Variants in TRIO observed in about 807,000 individuals in gnomAD.
TRIO encodes the protein triple functional domain protein.
A neutral mutation model predicts 351.9 loss-of-function variants in TRIO; 58 were observed. That is an observed-to-expected ratio of 0.16 (90% CI 0.13 to 0.21). The LOEUF (loss-of-function observed/expected upper bound fraction) is 0.21. TRIO is among the 10% of genes least tolerant of loss of function. The pLI is 1.00. For missense variants in TRIO, 3,201 were observed against 4,027.8 expected (o/e 0.79, Z 5.56); for synonymous variants, 1,758 against 1,595.7 (o/e 1.10, Z -2.42).
chr5:14,474,207 C>A (rs965738533), intron 40 of TRIO, 110 bp downstream of exon 40: 10 of 1,025,542 alleles, frequency 9.8e-6, no homozygotes. Context: ...ACCTGTGTAG[C>A]CTCCTGGAGG....
At chr5:14,403,455 T>C (rs1748350708) in intron 31 of TRIO, among the ~76,000 whole-genome samples, 1 of 106,720 alleles carries the variant, frequency 9.4e-6, no homozygotes. Context: ...GTGTAGGTTG[T>C]GGTGAGGGTG....
chr5:14,331,153 T>C (rs113422525), intron 10 of TRIO, among the ~76,000 whole-genome samples: 52 of 152,396 alleles, frequency 3.4e-4, no homozygotes, highest in African/African-American at 1.2e-3. Context: ...TTGTTTATTA[T>C]ACCAGTGCCT....
intron 1 of TRIO, among the ~76,000 whole-genome samples, chr5:14,186,921 C>T (rs1407734721): frequency 2.0e-5 from 3 of 152,150 alleles, no homozygotes; most frequent in Admixed American, 2.0e-4. Flanking sequence ...CACAATGCCA[C>T]ATGATTTTGT....
intron 34 of TRIO, among the ~76,000 whole-genome samples, chr5:14,429,787 G>C (rs1298559696): frequency 6.6e-6 from 1 of 152,186 alleles, no homozygotes; most frequent in African/African-American, 2.4e-5. Context: ...TTCACCTCTA[G>C]CTTGTGCTTC....
intron 36 of TRIO, among the ~76,000 whole-genome samples, chr5:14,465,121 G>A (rs1754151698): frequency 6.6e-6 from 1 of 151,312 alleles, no homozygotes; most frequent in South Asian, 2.1e-4. Flanking sequence ...TACCTGTTTT[G>A]TTTCCTGATT....
In TRIO at chr5:14,335,022, CGT is replaced by C. The variant is rs144645388; in HGVS notation, c.1855-1495_1855-1494del. Reference sequence around the variant, plus strand: ...TGAAAGCTGCTTTTTAGATCTGTCTCGTGTGTGTGTGTGTGTGTGTACACATG... The same window carrying C: ...TGAAAGCTGCTTTTTAGATCTGTCTCGTGTGTGTGTGTGTGTGTACACATG... On this transcript the variant is annotated intron_variant, in intron 10 of 56. Transcript: ENST00000344204. 3.1e-3 allele frequency among the ~76,000 whole-genome samples: 472 copies of C among 150,038 alleles called. 3 individuals are homozygous for C. The highest frequency in any genetic ancestry group is 0.012 in the South Asian group (56 of 4,742).
intron 30 of TRIO, among the ~76,000 whole-genome samples, chr5:14,400,188 A>G (rs1389449476): frequency 6.6e-6 from 1 of 152,216 alleles, no homozygotes; most frequent in Non-Finnish European, 1.5e-5. Context: ...AAAGAAAAAA[A>G]TGCAACATTG....
At chr5:14,502,548 C>T (rs1246440387) in intron 53 of TRIO, 31 bp from the exon 54 acceptor site, 1 of 1,612,514 alleles carries the variant, frequency 6.2e-7, no homozygotes, top group African/African-American at 1.3e-5. Flanking sequence ...CCACGGGAAA[C>T]AAGCTCAGGC....
At chr5:14,209,273 C>T (rs1176776822) in intron 1 of TRIO, among the ~76,000 whole-genome samples, 1 of 152,132 alleles carries the variant, frequency 6.6e-6, no homozygotes, top group Non-Finnish European at 1.5e-5. Flanking sequence ...TTGTAAAGAC[C>T]ATATTGTGAA....
chr5:14,304,667 A>G lies in TRIO; in HGVS notation c.1500+75A>G, dbSNP rs541624073. On this transcript the variant is annotated intron_variant, in intron 8 of 56. Coordinates refer to ENST00000344204, the MANE Select transcript of TRIO (RefSeq NM_007118.4). ...ATAGTACACCGGAAGCTAGAAAAAA[A>G]AAAGTTTTGGGTAGCCCAGAAAAAG... 9.2e-6 allele frequency: 14 copies of G among 1,528,050 alleles called. No homozygotes were observed. In the Admixed American group the frequency reaches 2.9e-4, roughly 32 times the overall value. The allele number at this position is 1,528,050 out of a possible 1,614,324, so 94.7% of individuals were successfully genotyped here.
intron 34 of TRIO, among the ~76,000 whole-genome samples, chr5:14,436,680 A>T (rs1751614924): frequency 6.6e-6 from 1 of 152,238 alleles, no homozygotes; most frequent in Non-Finnish European, 1.5e-5. Flanking sequence ...CAAATGGAAG[A>T]AATTGGCCAA....
rs779375215 is a variant in TRIO, at chr5:14,485,552, C to T, written c.6835+306C>T. Among the ~76,000 whole-genome samples, 8 of 152,158 alleles carry T rather than the reference C, an allele frequency of 5.3e-5. 1 individual carries two copies. Among genetic ancestry groups the T allele is most frequent in the Non-Finnish European group, 1.2e-4 (8 of 68,016 alleles). On this transcript the variant is annotated intron_variant, in intron 47 of 56. Coordinates refer to ENST00000344204, the MANE Select transcript of TRIO (RefSeq NM_007118.4). The stretch of plus-strand genomic sequence containing the variant: ...GGCCATCTGGCTCTTGGTCTGTGCC[C>T]CTCGCAGCTACACTGTCCCACACAT...
In TRIO at chr5:14,482,787, C is replaced by A; in HGVS notation, c.6657+14C>A. 1 of 1,536,806 alleles carries A rather than the reference C, an allele frequency of 6.5e-7. No homozygotes were observed. Among genetic ancestry groups the A allele is most frequent in the Non-Finnish European group, 8.8e-7 (1 of 1,133,252 alleles). ...AACAGTATCAAGGTAACGTGTGTCTCTGTGTGATTTCTCTGTGCCAGCGCA... is the reference window on the plus strand; with the variant it reads ...AACAGTATCAAGGTAACGTGTGTCTATGTGTGATTTCTCTGTGCCAGCGCA... On this transcript the variant is annotated intron_variant, in intron 46 of 56. Transcript: ENST00000344204.
At position 14,144,539 on chromosome 5, in the gene TRIO, T is replaced by G. The variant is rs374332352; in HGVS notation, c.157+657T>G. Reference sequence around the variant, plus strand: ...AGGACCGGGAGGCGCGGTGAGCCATTGTCTCCGGGGACGACCCGGGAGGGT... The same window carrying G: ...AGGACCGGGAGGCGCGGTGAGCCATGGTCTCCGGGGACGACCCGGGAGGGT... On this transcript the variant is annotated intron_variant, in intron 1 of 56. Transcript: ENST00000344204. 2.2e-4 allele frequency among the ~76,000 whole-genome samples: 34 copies of G among 152,110 alleles called. No homozygotes were observed. The East Asian group carries it at 2.3e-3, about 10-fold the overall frequency.
chr5:14,182,866 C>A (rs28452733), intron 1 of TRIO, among the ~76,000 whole-genome samples: 1 of 53,250 alleles, frequency 1.9e-5, no homozygotes. Context: ...GTGGAGACCC[C>A]CCCCCCTCCA....
chr5:14,486,546 T>C (rs1307143798), intron 47 of TRIO, among the ~76,000 whole-genome samples: 1 of 152,206 alleles, frequency 6.6e-6, no homozygotes, highest in East Asian at 1.9e-4. Context: ...ATGTGGTGCA[T>C]TGAGTTCCAA....
At chr5:14,406,885 A>G (rs949223508) in intron 33 of TRIO, among the ~76,000 whole-genome samples, 6 of 151,826 alleles carry the variant, frequency 4.0e-5, no homozygotes, top group African/African-American at 1.5e-4. Flanking sequence ...AAATCATTCA[A>G]CTCTTTCCAT....
intron 11 of TRIO, among the ~76,000 whole-genome samples, chr5:14,343,991 G>C (rs1282902182): frequency 6.6e-6 from 1 of 152,226 alleles, no homozygotes; most frequent in East Asian, 1.9e-4. Flanking sequence ...TTTTAGAGTA[G>C]AAAGTTCAGT....
rs140767969 is a variant in TRIO, at chr5:14,149,630, G to A, written c.157+5748G>A. On this transcript the variant is annotated intron_variant, in intron 1 of 56. Coordinates refer to ENST00000344204, the MANE Select transcript of TRIO (RefSeq NM_007118.4). ...TCTCCCTGTGCCATTTGATGGCAGA[G>A]GGGCTGTGGAAATGTAAAACCTCGT... Among the ~76,000 whole-genome samples, 567 of 152,280 alleles carry A rather than the reference G, an allele frequency of 3.7e-3. 2 individuals are homozygous for A. Among genetic ancestry groups the A allele is most frequent in the Middle Eastern group, 0.017 (5 of 294 alleles).
Sources: allele counts gnomAD v4.1 joint callset (sites outside exome capture counted in the v4.1 genomes callset), GRCh38; gene constraint gnomAD v4.1.1; transcripts MANE v1.5; gene names NCBI Gene and HGNC (gene_info 2026-07-23, HGNC 2026-07-21).